Variants in YTHDC2 observed in about 807,000 individuals in gnomAD.
YTHDC2 encodes the protein YTH N6-methyladenosine RNA binding protein C2.
In YTHDC2, 45 loss-of-function variants were observed where a neutral mutation model predicts 174.9. The observed-to-expected ratio is 0.26, with a 90% CI of 0.20 to 0.33. YTHDC2 has a LOEUF of 0.33. Ranked by LOEUF, YTHDC2 falls within the 10% of genes least tolerant of loss-of-function variation. The pLI is 1.00. For missense variants in YTHDC2, 1,650 were observed against 1,723.7 expected, an observed-to-expected ratio of 0.96 and a Z score of 0.76; for synonymous variants, 657 against 574.5, an observed-to-expected ratio of 1.14 and a Z score of -2.05.
At chr5:113,561,957 GGTGTGTGTGTGTGTGTGTGTGTGTGTGT>G (rs70973686) in intron 18 of YTHDC2, among the ~76,000 whole-genome samples, 1 of 134,864 alleles carries the variant, frequency 7.4e-6, no homozygotes, top group Admixed American at 7.7e-5. Context: ...ATTAATTGTG[GGTGTGTGTGTGTGTGTGTGTGTGTGTGT>G]GTGTGTGTGT....
chr5:113,565,839 A>G (rs887379197), intron 20 of YTHDC2, 54 bp from the exon 21 acceptor site: 2 of 1,562,380 alleles, frequency 1.3e-6, no homozygotes, highest in East Asian at 4.6e-5. Context: ...TTGTTGCCTC[A>G]CTAAGAAGCG....
intron 2 of YTHDC2, chr5:113,517,540 A>G (rs939365883): frequency 4.4e-6 from 2 of 456,102 alleles, no homozygotes; most frequent in Non-Finnish European, 8.8e-6. Context: ...GGAGACAAAA[A>G]TGGGGAATGC....
At chr5:113,549,166 G>A (rs934346217) in intron 12 of YTHDC2, 146 bp downstream of exon 12, 10 of 624,248 alleles carry the variant, frequency 1.6e-5, no homozygotes, top group Non-Finnish European at 2.4e-5. Context: ...TTTTCTGTCT[G>A]ATCTACCATG....
chr5:113,570,547 ATC>A (rs1217928561), intron 23 of YTHDC2, among the ~76,000 whole-genome samples: 2 of 152,204 alleles, frequency 1.3e-5, no homozygotes, highest in Non-Finnish European at 2.9e-5. Flanking sequence ...GAAGTTGCTT[ATC>A]AGCTTAAGAA....
chr5:113,544,613 G>T (rs1051083582), intron 10 of YTHDC2, among the ~76,000 whole-genome samples: 1 of 151,900 alleles, frequency 6.6e-6, no homozygotes, highest in Admixed American at 6.6e-5. Context: ...CCCTTTTTCT[G>T]CTTCTGGAGT....
At chr5:113,523,677 A>G (rs1268086087) in intron 2 of YTHDC2, among the ~76,000 whole-genome samples, 2 of 152,138 alleles carry the variant, frequency 1.3e-5, no homozygotes, top group African/African-American at 4.8e-5. Flanking sequence ...GAAATATTCA[A>G]TAAGGAGTTT....
chr5:113,563,966 T>A lies in YTHDC2; in HGVS notation c.2550T>A (p.Val850=). The A allele has an allele frequency of 6.2e-7, 1 of 1,614,156 alleles. No homozygotes were observed. The highest frequency in any genetic ancestry group is 1.7e-5 in the Admixed American group (1 of 60,016). ...GTAAAATGGTCTTGTGTGCTGTTGT[T>A]TTAAAGTGTCTGGACCCCATCCTTA... ...HLGKMVLCAV[V]LKCLDPILTI... Residue 850 remains valine (V), a synonymous_variant, in exon 20 of 30, where the codon GTT becomes GTA. Transcript: ENST00000161863.
intron 23 of YTHDC2, among the ~76,000 whole-genome samples, chr5:113,576,998 T>C (rs1021593212): frequency 6.6e-6 from 1 of 152,158 alleles, no homozygotes; most frequent in Non-Finnish European, 1.5e-5. Context: ...TATAACCATG[T>C]TGAGTTGATT....
At chr5:113,567,917 A>T in intron 23 of YTHDC2, 68 bp downstream of exon 23, 5 of 1,226,924 alleles carry the variant, frequency 4.1e-6, no homozygotes, top group Non-Finnish European at 5.5e-6. Context: ...TAATGAAATT[A>T]TTTTACTAAA....
In YTHDC2 at chr5:113,593,509, C is replaced by A; in HGVS notation, c.*35C>A. On this transcript the variant is annotated 3_prime_UTR_variant, in exon 30 of 30. Transcript: ENST00000161863. ...CTCTTAGCTGTGGAAGAACATCATG[C>A]CTATTTATAACCACTGAATGCACTG... 2 of 775,880 alleles carry A rather than the reference C, an allele frequency of 2.6e-6. No homozygotes were observed. Among genetic ancestry groups the A allele is most frequent in the Non-Finnish European group, 4.0e-6 (2 of 500,662 alleles). The allele number at this position is 775,880 out of a possible 1,614,324, so 48.1% of individuals were successfully genotyped here.
rs1779129557 is a variant in YTHDC2 at position 113,593,814 on chromosome 5, A to T, written c.*340A>T. On this transcript the variant is annotated 3_prime_UTR_variant, in exon 30 of 30. Coordinates refer to ENST00000161863, the MANE Select transcript of YTHDC2 (RefSeq NM_022828.5). ...TATTGATGACTTTTTAATGCAGAGT[A>T]AGTTGTTTAAGAAAGGCCTGAATAT... 6.5e-6 allele frequency: 1 copy of T among 154,210 alleles called. No homozygotes were observed. Among genetic ancestry groups the T allele is most frequent in the Non-Finnish European group, 1.4e-5 (1 of 69,264 alleles). The allele number at this position is 154,210 out of a possible 1,614,324, so 9.6% of individuals were successfully genotyped here. A position where few individuals can be genotyped will look rare whatever the true frequency, so the allele number is the denominator to read the frequency against.
intron 1 of YTHDC2, among the ~76,000 whole-genome samples, chr5:113,514,528 T>C (rs981741459): frequency 6.6e-6 from 1 of 152,218 alleles, no homozygotes; most frequent in Non-Finnish European, 1.5e-5. Flanking sequence ...GCTACCCACT[T>C]AAATTAAACT....
chr5:113,581,391 G>T, intron 24 of YTHDC2, 26 bp from the exon 25 acceptor site: 1 of 1,540,272 alleles, frequency 6.5e-7, no homozygotes, highest in Non-Finnish European at 8.7e-7. Context: ...ATATTCATTT[G>T]CTTGTATCTA....
At chr5:113,563,788 G>A in intron 19 of YTHDC2, 71 bp from the exon 20 acceptor site, 1 of 1,512,642 alleles carries the variant, frequency 6.6e-7, no homozygotes, top group Non-Finnish European at 9.0e-7. Flanking sequence ...TCTCATTTAG[G>A]GGTTTTTAAT....
intron 13 of YTHDC2, 38 bp downstream of exon 13, chr5:113,553,397 T>C (rs979416470): frequency 5.8e-6 from 9 of 1,549,386 alleles, no homozygotes; most frequent in East Asian, 4.5e-5. Context: ...GAGCAAAATA[T>C]ATACTTTAAG....
intron 24 of YTHDC2, among the ~76,000 whole-genome samples, chr5:113,580,845 T>C (rs1412271289): frequency 6.6e-6 from 1 of 152,234 alleles, no homozygotes; most frequent in African/African-American, 2.4e-5. Context: ...TAATTCTTTC[T>C]CTGTAGTCAG....
intron 28 of YTHDC2, 120 bp from the exon 29 acceptor site, chr5:113,593,183 C>T (rs908207352): frequency 3.1e-5 from 21 of 676,286 alleles, no homozygotes; most frequent in African/African-American, 7.3e-5. Context: ...TTTTAGCATA[C>T]GCTGGTAGGA....
chr5:113,567,427 T>TATATATATATATA (rs138503872), intron 22 of YTHDC2, 130 bp downstream of exon 22: 1 of 372,290 alleles, frequency 2.7e-6, no homozygotes, highest in African/African-American at 2.5e-5. Flanking sequence ...TATATATATA[T>TATATATATATATA]CATTAAATAT....
chr5:113,542,915 T>C (rs1775587872), intron 10 of YTHDC2, among the ~76,000 whole-genome samples: 1 of 152,224 alleles, frequency 6.6e-6, no homozygotes, highest in South Asian at 2.1e-4. Flanking sequence ...TGAAATATTT[T>C]ACTCAGTTAA....
Sources: gnomAD v4.1 joint callset for allele counts (sites outside exome capture counted in the v4.1 genomes callset) on GRCh38, gnomAD v4.1.1 for gene constraint, MANE v1.5 for transcripts, NCBI Gene and HGNC (gene_info 2026-07-23, HGNC 2026-07-21) for gene names.